PRR12: variants seen among roughly 807,000 people sequenced by gnomAD.
PRR12 encodes the protein proline rich 12.
In PRR12, 12 loss-of-function variants were observed where a neutral mutation model predicts 138.0. The ratio of observed to expected loss-of-function variants is 0.09; its 90% CI spans 0.06 to 0.14. The LOEUF is 0.14. PRR12 is among the 10% of genes least tolerant of loss of function. The pLI is 1.00. For synonymous variants in PRR12, 1,567 were observed against 1,291.7 expected, an observed-to-expected ratio of 1.21 and a Z score of -4.57; for missense variants, 2,692 against 2,861.3, an observed-to-expected ratio of 0.94 and a Z score of 1.35.
rs191354936 is a variant in PRR12, at chr19:49,602,484, T to C, written c.4773+566T>C. ...GAGTTTGAGACCAGCCTAGGCAACATAATGAAACCTTTTCTCTCAAACAAA... is the reference window on the plus strand; with the variant it reads ...GAGTTTGAGACCAGCCTAGGCAACACAATGAAACCTTTTCTCTCAAACAAA... On this transcript the variant is annotated intron_variant, in intron 6 of 13. Coordinates refer to ENST00000418929, the MANE Select transcript of PRR12 (RefSeq NM_020719.3). Among the ~76,000 whole-genome samples the C allele has an allele frequency of 7.9e-4, 121 of 152,338 alleles. 3 individuals are homozygous for C. Among genetic ancestry groups the C allele is most frequent in the Admixed American group, 6.0e-3 (92 of 15,298 alleles).
rs1194887082 is a variant in PRR12 at position 49,596,834 on chromosome 19, C to T, written c.2499C>T (p.Pro833=). ...AGCCAGCCACCCGCGATGGGGCACC[C>T]CAGCCACCTCCACCGCCACCCCCGC... is the stretch of plus-strand genomic sequence containing the variant. ...LLEPATRDGA[P]QPPPPPPPPP... is the part of the protein sequence containing the mutation. The change falls in exon 4 of 14, where the codon CCC becomes CCT. Residue 833 remains proline, a synonymous_variant. Coordinates refer to ENST00000418929, the MANE Select transcript of PRR12 (RefSeq NM_020719.3). The surrounding 1 kb of genome is among the most constrained non-coding windows in gnomAD (Gnocchi z 5.6). 6.3e-7 allele frequency: 1 copy of T among 1,592,254 alleles called. No homozygotes were observed. The highest frequency in any genetic ancestry group is 8.5e-7 in the Non-Finnish European group (1 of 1,175,670).
intron 5 of PRR12, among the ~76,000 whole-genome samples, chr19:49,601,201 G>A (rs918253213): frequency 2.6e-5 from 4 of 152,138 alleles, no homozygotes; most frequent in African/African-American, 9.7e-5. Context: ...TGATTTAGGA[G>A]TTGGGAGGGT....
At chr19:49,609,553 A>T (rs2080855038) in intron 6 of PRR12, among the ~76,000 whole-genome samples, 1 of 150,658 alleles carries the variant, frequency 6.6e-6, no homozygotes, top group South Asian at 2.1e-4. Flanking sequence ...GTGAGCCGAG[A>T]TCATGCTGCT....
Position 49,625,035 on chromosome 19 carries a change from T to C in PRR12, c.5868+45T>C. ...CTGGGAGTGGGGAGTGCTGGCGGTA[T>C]GTGGGAAGGGAGGAGAGGGGCTGCC... is the stretch of plus-strand genomic sequence containing the variant. On this transcript the variant is annotated intron_variant, in intron 12 of 13. Coordinates refer to ENST00000418929, the MANE Select transcript of PRR12 (RefSeq NM_020719.3). This position sits in a 1 kb window ranked among gnomAD's most constrained non-coding sequence, Gnocchi z 5.5. 1 of 1,596,254 alleles carries C rather than the reference T, an allele frequency of 6.3e-7. No homozygotes were observed.
At position 49,591,627 on chromosome 19, in the gene PRR12, T is replaced by TCCCC; in HGVS notation, c.-25_-22dup. On this transcript the variant is annotated 5_prime_UTR_variant, in exon 1 of 14. Coordinates refer to ENST00000418929, the MANE Select transcript of PRR12 (RefSeq NM_020719.3). ...CCCTCCCTCCCTCCCTCCCTCCCCC[T>TCCCC]CCCCCCAATTTCCACCGCGGCCAAT... The TCCCC allele has an allele frequency of 7.1e-6, 1 of 141,238 alleles. No individual in the cohort carries two copies. The highest frequency in any genetic ancestry group is 1.1e-4 in the East Asian group (1 of 9,154). The allele number at this position is 141,238 out of a possible 1,614,324, so 8.7% of individuals were successfully genotyped here.
At chr19:49,607,516 G>A (rs547300197) in intron 6 of PRR12, among the ~76,000 whole-genome samples, 2 of 151,940 alleles carry the variant, frequency 1.3e-5, no homozygotes, top group South Asian at 4.2e-4. Flanking sequence ...GACCAGCTTG[G>A]GCAACATGGC....
rs1341121490 is a variant in PRR12 at position 49,611,928 on chromosome 19, A to G, written c.4774-2605A>G. ...ACAGAGCGAGACTCCGTCTCAAAAA[A>G]AAAAAAAAAAAAAAAAAAAACAGGC... On this transcript the variant is annotated intron_variant, in intron 6 of 13. Coordinates refer to ENST00000418929, the MANE Select transcript of PRR12 (RefSeq NM_020719.3). Among the ~76,000 whole-genome samples, 5 of 356 alleles carry G rather than the reference A, an allele frequency of 0.014. No homozygotes were observed. The Non-Finnish European group carries it at 0.15, about 10-fold the overall frequency. 0.2% of individuals were successfully genotyped at this position (356 alleles called of 152,430 possible). A position where few individuals can be genotyped will look rare whatever the true frequency, so the allele number is the denominator to read the frequency against.
rs1345788951 is a variant in PRR12, at chr19:49,625,524, C to G, written c.6028C>G (p.Arg2010Gly). Residue 2010 changes from arginine to glycine, a missense_variant, in exon 14 of 14, where the codon CGG (arginine) becomes GGG (glycine). By Grantham distance (125) the Arg-to-Gly change is moderately radical (BLOSUM62 -2). Transcript: ENST00000418929. This position sits in a 1 kb window ranked among gnomAD's most constrained non-coding sequence, Gnocchi z 5.5. ...GQEEVVQQCM[R>G]NQPWLEQLFD... ...GGAGGAGGTGGTCCAGCAGTGCATG[C>G]GGAACCAGCCGTGGCTGGAACAGCT... is the stretch of plus-strand genomic sequence containing the variant. 3 of 1,611,986 alleles carry G rather than the reference C, an allele frequency of 1.9e-6. No individual in the cohort carries two copies. Among genetic ancestry groups the G allele is most frequent in the South Asian group, 1.1e-5 (1 of 90,710 alleles).
intron 11 of PRR12, among the ~76,000 whole-genome samples, chr19:49,623,527 G>A (rs924750326): frequency 1.6e-4 from 24 of 152,050 alleles, no homozygotes; most frequent in Admixed American, 7.2e-4. Context: ...AGCTACTCGC[G>A]AGGCTGAGGC....
chr19:49,594,851 C>G lies in PRR12; in HGVS notation c.516C>G (p.Asp172Glu), dbSNP rs760049013. ...FPVPSSLSLQ[D>E]PPFSPPANGL... ...TGCCCTCGTCCCTCAGCCTCCAGGA[C>G]CCCCCATTCAGCCCTCCAGCTAACG... Residue 172 changes from aspartate to glutamate, a missense_variant, in exon 4 of 14, where the codon GAC (aspartate) becomes GAG (glutamate). Physicochemically the swap from Asp to Glu is conservative, Grantham distance 45 (BLOSUM62 2). Transcript: ENST00000418929. The surrounding 1 kb of genome is among the most constrained non-coding windows in gnomAD (Gnocchi z 5.6). The G allele has an allele frequency of 6.2e-7, 1 of 1,611,178 alleles. No homozygotes were observed. Among genetic ancestry groups the G allele is most frequent in the African/African-American group, 1.3e-5 (1 of 74,860 alleles).
chr19:49,594,928 C>T lies in PRR12; in HGVS notation c.593C>T (p.Thr198Met), dbSNP rs770946930. The T allele has an allele frequency of 1.2e-5, 20 of 1,606,202 alleles. No individual in the cohort carries two copies. Among genetic ancestry groups the T allele is most frequent in the South Asian group, 2.2e-5 (2 of 89,942 alleles). Residue 198 changes from threonine to methionine, a missense_variant, in exon 4 of 14, where the codon ACG (threonine) becomes ATG (methionine). Physicochemically the swap from Thr to Met is moderately conservative, Grantham distance 81. Transcript: ENST00000418929. The surrounding 1 kb of genome is among the most constrained non-coding windows in gnomAD (Gnocchi z 5.6). Reference protein sequence around the residue: ...VLHLKPSQAPTVPSSLGFERL... With the variant: ...VLHLKPSQAPMVPSSLGFERL... ...CACCTGAAGCCCTCGCAGGCACCCA[C>T]GGTGCCCTCTTCACTGGGCTTCGAG...
chr19:49,592,048 C>A (rs1466276229), intron 1 of PRR12, among the ~76,000 whole-genome samples: 1 of 152,206 alleles, frequency 6.6e-6, no homozygotes, highest in Non-Finnish European at 1.5e-5. Flanking sequence ...GACTTCCCCC[C>A]ATCCTTGGAT....
Position 49,614,686 on chromosome 19 carries a change from C to T in PRR12, c.4890+37C>T, listed in dbSNP as rs769119553. Reference sequence around the variant, plus strand: ...AAGGGGACCAAGGACTTGGGGGCCCCGGGGCGTGGTATCTAGGAGCTGGGG... The same window carrying T: ...AAGGGGACCAAGGACTTGGGGGCCCTGGGGCGTGGTATCTAGGAGCTGGGG... On this transcript the variant is annotated intron_variant, in intron 7 of 13. Coordinates refer to ENST00000418929, the MANE Select transcript of PRR12 (RefSeq NM_020719.3). This position sits in a 1 kb window ranked among gnomAD's most constrained non-coding sequence, Gnocchi z 5.0. 5.9e-5 allele frequency: 90 copies of T among 1,526,718 alleles called. No individual in the cohort carries two copies. Among genetic ancestry groups the T allele is most frequent in the African/African-American group, 8.3e-5 (6 of 72,470 alleles). The allele number at this position is 1,526,718 out of a possible 1,614,324, so 94.6% of individuals were successfully genotyped here. A position where few individuals can be genotyped will look rare whatever the true frequency, so the allele number is the denominator to read the frequency against.
At chr19:49,611,282 G>A (rs1191618498) in intron 6 of PRR12, among the ~76,000 whole-genome samples, 1 of 151,994 alleles carries the variant, frequency 6.6e-6, no homozygotes, top group Admixed American at 6.6e-5. Flanking sequence ...CTATGGTCAT[G>A]GTTGTGCCAC....
rs1478722135 is a variant in PRR12, at chr19:49,597,400, T to G, written c.3065T>G (p.Val1022Gly). 2 of 1,537,474 alleles carry G rather than the reference T, an allele frequency of 1.3e-6. No individual in the cohort carries two copies. Among genetic ancestry groups the G allele is most frequent in the Admixed American group, 2.0e-5 (1 of 50,964 alleles). The change falls in exon 4 of 14, where the codon GTC becomes GGC. Residue 1022 changes from valine (V) to glycine (G), a missense_variant. This residue lies in a region of PRR12 where 840 missense variants were observed against 689.8 expected (regional missense o/e 1.22). Coordinates refer to ENST00000418929, the MANE Select transcript of PRR12 (RefSeq NM_020719.3). The surrounding 1 kb of genome is among the most constrained non-coding windows in gnomAD (Gnocchi z 6.3). ...AAACCGCCTGAACTGCCCTCCACGGTCAACGCCGAGCCGCTGGGCCTGATC... is the reference window on the plus strand; with the variant it reads ...AAACCGCCTGAACTGCCCTCCACGGGCAACGCCGAGCCGCTGGGCCTGATC... ...PNKPPELPST[V>G]NAEPLGLIQS...
At chr19:49,623,631 T>TAA (rs76408039) in intron 11 of PRR12, among the ~76,000 whole-genome samples, 27 of 133,714 alleles carry the variant, frequency 2.0e-4, no homozygotes, top group Middle Eastern at 7.9e-3. Context: ...GACTTTGTCT[T>TAA]AAAAAAAAAA....
Position 49,625,246 on chromosome 19 carries a change from C to G in PRR12, c.5964+46C>G. ...CCATCGCCCTGGGATTCCAACCTTT[C>G]TGACTTCCTCTTGGGATCTGAGGGT... On this transcript the variant is annotated intron_variant, in intron 13 of 13. Transcript: ENST00000418929. The surrounding 1 kb of genome is among the most constrained non-coding windows in gnomAD (Gnocchi z 5.5). 2 of 1,579,340 alleles carry G rather than the reference C, an allele frequency of 1.3e-6. No homozygotes were observed.
Position 49,594,633 on chromosome 19 carries a change from C to T in PRR12, c.361+18C>T. 1 of 1,611,370 alleles carries T rather than the reference C, an allele frequency of 6.2e-7. No individual in the cohort carries two copies. The highest frequency in any genetic ancestry group is 8.5e-7 in the Non-Finnish European group (1 of 1,179,450). Reference sequence around the variant, plus strand: ...GCAAACAGGTAAGCCCAGCGCCGGCCCTGCAGGGCCAGGGTGGGACTGGCT... The same window carrying T: ...GCAAACAGGTAAGCCCAGCGCCGGCTCTGCAGGGCCAGGGTGGGACTGGCT... On this transcript the variant is annotated intron_variant, in intron 3 of 13. Transcript: ENST00000418929. The surrounding 1 kb of genome is among the most constrained non-coding windows in gnomAD (Gnocchi z 5.6).
Position 49,616,211 on chromosome 19 carries a change from G to C in PRR12, c.5489G>C (p.Ser1830Thr). The change falls in exon 9 of 14, where the codon AGC becomes ACC. Residue 1830 changes from serine to threonine, a missense_variant. By Grantham distance (58) the Ser-to-Thr change is moderately conservative. Coordinates refer to ENST00000418929, the MANE Select transcript of PRR12 (RefSeq NM_020719.3). This position sits in a 1 kb window ranked among gnomAD's most constrained non-coding sequence, Gnocchi z 4.2. ...SDSESSPGAPSEDERAVPGRL... is the reference protein window; with the variant it reads ...SDSESSPGAPTEDERAVPGRL... ...TCGGAGTCCTCCCCTGGAGCCCCCAGCGAGGACGGTGAGGCCCTAGGCAGC... is the reference window on the plus strand; with the variant it reads ...TCGGAGTCCTCCCCTGGAGCCCCCACCGAGGACGGTGAGGCCCTAGGCAGC... 1 of 1,532,768 alleles carries C rather than the reference G, an allele frequency of 6.5e-7. No homozygotes were observed. Among genetic ancestry groups the C allele is most frequent in the South Asian group, 1.2e-5 (1 of 80,384 alleles). The allele number at this position is 1,532,768 out of a possible 1,614,324, so 94.9% of individuals were successfully genotyped here. A position where few individuals can be genotyped will look rare whatever the true frequency, so the allele number is the denominator to read the frequency against.
Sources: gnomAD v4.1 joint callset for allele counts (sites outside exome capture counted in the v4.1 genomes callset) on GRCh38, gnomAD v4.1.1 for gene constraint, gnomAD v4.1.1 regional missense constraint, Gnocchi (gnomAD v3.1) non-coding constraint, MANE v1.5 for transcripts, NCBI Gene and HGNC (gene_info 2026-07-23, HGNC 2026-07-21) for gene names.